The following CCDC85A variants were observed in gnomAD, a reference collection of about 807,000 sequenced individuals.
CCDC85A encodes the protein coiled-coil domain containing 85A, also known as coiled-coil domain-containing protein 85A.
In CCDC85A, 38 loss-of-function variants were observed where a neutral mutation model predicts 50.2. That is an observed-to-expected ratio of 0.76 (90% CI 0.58 to 0.99). The LOEUF is 0.99. CCDC85A is among the 50% of genes least tolerant of loss of function. The pLI is 0.00. For missense variants in CCDC85A, 820 were observed against 742.0 expected (o/e 1.11, Z -1.22); for synonymous variants, 366 against 301.4 (o/e 1.21, Z -2.22).
At chr2:56,258,181 G>A (rs1348640225) in intron 2 of CCDC85A, among the ~76,000 whole-genome samples, 1 of 152,134 alleles carries the variant, frequency 6.6e-6, no homozygotes, top group Non-Finnish European at 1.5e-5. Flanking sequence ...AAGAGGTGGG[G>A]GAGGCCATGG....
rs1266052715 is a variant in CCDC85A at position 56,336,029 on chromosome 2, A to T, written c.1241-6850A>T. On this transcript the variant is annotated intron_variant, in intron 2 of 5. Coordinates refer to ENST00000407595, the MANE Select transcript of CCDC85A (RefSeq NM_001080433.2). ...AATTAAATTTCAGCATGATTTTTGAAAGGGATAAACAGTCAAGCCAACACA... is the reference window on the plus strand; with the variant it reads ...AATTAAATTTCAGCATGATTTTTGATAGGGATAAACAGTCAAGCCAACACA... 4.6e-5 allele frequency among the ~76,000 whole-genome samples: 7 copies of T among 152,294 alleles called. No homozygotes were observed. In the East Asian group the frequency reaches 1.4e-3, roughly 29 times the overall value.
chr2:56,267,719 G>A (rs182575699), intron 2 of CCDC85A, among the ~76,000 whole-genome samples: 2 of 152,296 alleles, frequency 1.3e-5, no homozygotes, highest in Admixed American at 6.5e-5. Context: ...ATTTCATTGG[G>A]AACACTGGAG....
intron 2 of CCDC85A, among the ~76,000 whole-genome samples, chr2:56,322,640 G>A (rs36141997): frequency 0.06 from 9,173 of 151,994 alleles, 927 homozygotes; most frequent in African/African-American, 0.21. Flanking sequence ...AAAGTCAGGA[G>A]ACAACAGGTG....
chr2:56,216,782 A>C (rs1264898863), intron 2 of CCDC85A, among the ~76,000 whole-genome samples: 1 of 138,166 alleles, frequency 7.2e-6, no homozygotes, highest in African/African-American at 2.7e-5. Flanking sequence ...GAGCTCTTCT[A>C]GCTAAAATTT....
At chr2:56,231,850 C>T (rs1398237219) in intron 2 of CCDC85A, among the ~76,000 whole-genome samples, 1 of 152,124 alleles carries the variant, frequency 6.6e-6, no homozygotes, top group East Asian at 1.9e-4. Flanking sequence ...TCAGTTCCCC[C>T]TACTTTACTG....
intron 2 of CCDC85A, among the ~76,000 whole-genome samples, chr2:56,329,945 G>GTTTTTTTTTTTTTTTTTTT (rs535050957): frequency 4.5e-5 from 2 of 44,160 alleles, no homozygotes; most frequent in African/African-American, 7.2e-5. Flanking sequence ...CAGATTTCCT[G>GTTTTTTTTTTTTTTTTTTT]TTTTTTTTTT....
At chr2:56,276,190 G>C (rs1274697220) in intron 2 of CCDC85A, among the ~76,000 whole-genome samples, 1 of 152,058 alleles carries the variant, frequency 6.6e-6, no homozygotes, top group Non-Finnish European at 1.5e-5. Flanking sequence ...TCTGAGTATA[G>C]ATATAAAATT....
chr2:56,202,453 C>G (rs1298086361), intron 2 of CCDC85A, among the ~76,000 whole-genome samples: 1 of 152,192 alleles, frequency 6.6e-6, no homozygotes, highest in Non-Finnish European at 1.5e-5. Context: ...ATGGTCTGAC[C>G]TTAGTCTGGT....
Position 56,287,076 on chromosome 2 carries a change from A to G in CCDC85A, c.1241-55803A>G, listed in dbSNP as rs143748401. Among the ~76,000 whole-genome samples, 250 of 152,312 alleles carry G rather than the reference A, an allele frequency of 1.6e-3. 2 individuals are homozygous for G. The highest frequency in any genetic ancestry group is 5.9e-3 in the African/African-American group (244 of 41,572). Reference sequence around the variant, plus strand: ...TCCACTCTGACTGAACCAGGGCTCCAATGTCTCTCAGCATAGTTATGACAT... The same window carrying G: ...TCCACTCTGACTGAACCAGGGCTCCGATGTCTCTCAGCATAGTTATGACAT... On this transcript the variant is annotated intron_variant, in intron 2 of 5. Coordinates refer to ENST00000407595, the MANE Select transcript of CCDC85A (RefSeq NM_001080433.2).
chr2:56,312,808 A>G (rs1672756120), intron 2 of CCDC85A, among the ~76,000 whole-genome samples: 3 of 152,202 alleles, frequency 2.0e-5, no homozygotes, highest in African/African-American at 2.4e-5. Flanking sequence ...CCTATTATGT[A>G]CTAAGTAAAT....
At position 56,283,203 on chromosome 2, in the gene CCDC85A, C is replaced by T. The variant is rs115437656; in HGVS notation, c.1241-59676C>T. On this transcript the variant is annotated intron_variant, in intron 2 of 5. Coordinates refer to ENST00000407595, the MANE Select transcript of CCDC85A (RefSeq NM_001080433.2). ...TGCTATACTCGGTAGAAGTACTCTACTCATCTACTGATCTTAGAGGAAAAG... is the reference window on the plus strand; with the variant it reads ...TGCTATACTCGGTAGAAGTACTCTATTCATCTACTGATCTTAGAGGAAAAG... Among the ~76,000 whole-genome samples, 124 of 152,278 alleles carry T rather than the reference C, an allele frequency of 8.1e-4. 2 individuals carry two copies. The highest frequency in any genetic ancestry group is 2.5e-3 in the African/African-American group (105 of 41,566).
chr2:56,212,012 G>A (rs905877329), intron 2 of CCDC85A, among the ~76,000 whole-genome samples: 1 of 152,024 alleles, frequency 6.6e-6, no homozygotes, highest in African/African-American at 2.4e-5. Context: ...AGGAGGGCCT[G>A]TAATATCTGG....
At chr2:56,346,934 C>T (rs1033292868) in intron 3 of CCDC85A, among the ~76,000 whole-genome samples, 1 of 152,136 alleles carries the variant, frequency 6.6e-6, no homozygotes, top group Non-Finnish European at 1.5e-5. Flanking sequence ...AAACAAAAAT[C>T]GTGCTTAAAT....
intron 2 of CCDC85A, among the ~76,000 whole-genome samples, chr2:56,271,182 C>T (rs549861120): frequency 1.3e-5 from 2 of 152,264 alleles, no homozygotes; most frequent in African/African-American, 4.8e-5. Context: ...AGTTATGAGG[C>T]AGGCGTCAAA....
chr2:56,384,203 A>G lies in CCDC85A; in HGVS notation c.1573-63A>G. On this transcript the variant is annotated intron_variant, in intron 5 of 5. Transcript: ENST00000407595. ...GCTCCTCTCTTAATTTACCCTTAAG[A>G]AATGCAAATCTCCTTGTGAAAGAGG... is the stretch of plus-strand genomic sequence containing the variant. 7 of 1,453,476 alleles carry G rather than the reference A, an allele frequency of 4.8e-6. No individual in the cohort carries two copies. The South Asian group carries it at 6.9e-5, about 14-fold the overall frequency. 90.0% of individuals were successfully genotyped at this position (1,453,476 alleles called of 1,614,324 possible).
intron 2 of CCDC85A, among the ~76,000 whole-genome samples, chr2:56,273,506 C>T (rs34328210): frequency 0.31 from 47,713 of 151,764 alleles, 7,723 homozygotes; most frequent in East Asian, 0.45. Flanking sequence ...GGAAGAATTG[C>T]TTTCAACTTA....
chr2:56,357,209 G>A (rs1675279020), intron 3 of CCDC85A, among the ~76,000 whole-genome samples: 1 of 152,160 alleles, frequency 6.6e-6, no homozygotes. Context: ...GTCATACTGA[G>A]CTGTTGTCAC....
chr2:56,381,775 T>C (rs182337608), intron 5 of CCDC85A, among the ~76,000 whole-genome samples: 93 of 152,196 alleles, frequency 6.1e-4, no homozygotes, highest in African/African-American at 2.1e-3. Context: ...TTCCTTTCAA[T>C]TTCTGGACAT....
chr2:56,284,661 C>T (rs1671351031), intron 2 of CCDC85A, among the ~76,000 whole-genome samples: 1 of 152,192 alleles, frequency 6.6e-6, no homozygotes, highest in African/African-American at 2.4e-5. Flanking sequence ...GCGTGAGCCA[C>T]CATGCCCAGC....
Sources: allele counts gnomAD v4.1 joint callset (sites outside exome capture counted in the v4.1 genomes callset), GRCh38; gene constraint gnomAD v4.1.1; transcripts MANE v1.5; gene names NCBI Gene and HGNC (gene_info 2026-07-23, HGNC 2026-07-21).